FYN: variants seen among roughly 807,000 people sequenced by gnomAD.
FYN encodes FYN proto-oncogene, Src family tyrosine kinase.
In FYN, 10 loss-of-function variants were observed where a neutral mutation model predicts 70.2. The ratio of observed to expected loss-of-function variants is 0.14; its 90% CI spans 0.09 to 0.24. The LOEUF is 0.24. Ranked by LOEUF, FYN falls within the 10% of genes least tolerant of loss-of-function variation. The probability of loss-of-function intolerance (pLI) is 1.00; values close to 1 mark genes in which losing one functional copy is unlikely to be tolerated. For missense variants in FYN, 319 were observed against 673.1 expected (o/e 0.47, Z 5.82); for synonymous variants, 236 against 248.6 (o/e 0.95, Z 0.48).
intron 6 of FYN, among the ~76,000 whole-genome samples, chr6:111,707,546 T>A (rs78937847): frequency 0.01 from 1,511 of 147,698 alleles, 17 homozygotes; most frequent in African/African-American, 0.021. Flanking sequence ...GGCAATTACT[T>A]GCTACTCTCC....
chr6:111,833,564 C>A (rs1401992046), intron 2 of FYN, among the ~76,000 whole-genome samples: 2 of 152,190 alleles, frequency 1.3e-5, no homozygotes, highest in Non-Finnish European at 2.9e-5. Flanking sequence ...AAGATGGAAT[C>A]TACTCCCTGA....
chr6:111,725,203 G>A (rs1801139776), intron 3 of FYN, among the ~76,000 whole-genome samples: 1 of 152,138 alleles, frequency 6.6e-6, no homozygotes, highest in African/African-American at 2.4e-5. Flanking sequence ...CATTCTCAGT[G>A]GAGAGAGTTA....
intron 13 of FYN, among the ~76,000 whole-genome samples, chr6:111,665,529 G>A (rs1459644303): frequency 6.6e-6 from 1 of 152,160 alleles, no homozygotes; most frequent in Admixed American, 6.5e-5. Context: ...TAGTGAATAG[G>A]AAGGGAATAA....
At chr6:111,819,082 C>T (rs1376334619) in intron 2 of FYN, among the ~76,000 whole-genome samples, 1 of 152,144 alleles carries the variant, frequency 6.6e-6, no homozygotes, top group Non-Finnish European at 1.5e-5. Flanking sequence ...CTAGTCTTGG[C>T]TAGGTTTGAT....
At chr6:111,785,166 C>T (rs971689154) in intron 2 of FYN, among the ~76,000 whole-genome samples, 2 of 152,148 alleles carry the variant, frequency 1.3e-5, no homozygotes, top group East Asian at 1.9e-4. Flanking sequence ...CCTCAGAACT[C>T]GTTCTCTCTC....
chr6:111,825,662 T>C (rs1772809250), intron 2 of FYN, among the ~76,000 whole-genome samples: 1 of 152,224 alleles, frequency 6.6e-6, no homozygotes, highest in African/African-American at 2.4e-5. Context: ...ACTCTGGCTT[T>C]GCCTTCCTGG....
chr6:111,717,594 T>C (rs1218755872), intron 4 of FYN, among the ~76,000 whole-genome samples: 3 of 152,160 alleles, frequency 2.0e-5, no homozygotes, highest in Non-Finnish European at 4.4e-5. Flanking sequence ...CCCGAGTAGC[T>C]GGGATTACAG....
chr6:111,688,633 T>C (rs752253339), intron 12 of FYN, among the ~76,000 whole-genome samples: 2 of 151,740 alleles, frequency 1.3e-5, no homozygotes, highest in South Asian at 4.5e-4. Flanking sequence ...GCAGCGTGTG[T>C]GTGCTCATGC....
rs181097205 is a variant in FYN at position 111,815,677 on chromosome 6, C to T, written c.-82+30912G>A. Among the ~76,000 whole-genome samples, 704 of 151,182 alleles carry T rather than the reference C, an allele frequency of 4.7e-3. 8 individuals are homozygous for T. The highest frequency in any genetic ancestry group is 0.014 in the Middle Eastern group (4 of 288). On this transcript the variant is annotated intron_variant, in intron 2 of 13. Transcript: ENST00000354650. ...TGGTCATCTTTGAGTAGCGGAACTT[C>T]AGTAAAGGAGTTCTATCCTGTTCTC...
intron 2 of FYN, among the ~76,000 whole-genome samples, chr6:111,791,359 G>C (rs563982356): frequency 6.6e-6 from 1 of 152,264 alleles, no homozygotes; most frequent in Admixed American, 6.5e-5. Context: ...AATAAATGCT[G>C]GGTTCACTGG....
intron 3 of FYN, chr6:111,754,501 A>C (rs1463507781): frequency 6.6e-6 from 1 of 152,250 alleles, no homozygotes; most frequent in Non-Finnish European, 1.5e-5. Context: ...GCAAGCCAGC[A>C]TAATTTCTAA....
chr6:111,781,257 C>T (rs938415088), intron 2 of FYN, among the ~76,000 whole-genome samples: 1 of 152,178 alleles, frequency 6.6e-6, no homozygotes, highest in Admixed American at 6.5e-5. Flanking sequence ...TAAACTAACA[C>T]CGCCTTCTTC....
intron 12 of FYN, among the ~76,000 whole-genome samples, chr6:111,688,964 T>C (rs1799177020): frequency 6.6e-6 from 1 of 152,180 alleles, no homozygotes; most frequent in Non-Finnish European, 1.5e-5. Flanking sequence ...ATTTTTTTTC[T>C]TGAAAGATTG....
At position 111,664,288 on chromosome 6, in the gene FYN, C is replaced by T. The variant is rs534292231; in HGVS notation, c.1406-2341G>A. The stretch of plus-strand genomic sequence containing the variant: ...AGGGGAAACAGGCAGAAGGGCCTGA[C>T]AGATCCTTCTGGGTGCGGTTACAGC... On this transcript the variant is annotated intron_variant, in intron 13 of 13. Coordinates refer to ENST00000354650, the MANE Select transcript of FYN (RefSeq NM_002037.5). 2.8e-3 allele frequency among the ~76,000 whole-genome samples: 433 copies of T among 152,194 alleles called. 1 individual carries two copies. The highest frequency in any genetic ancestry group is 1.0e-2 in the African/African-American group (415 of 41,518).
chr6:111,804,096 A>C (rs1229504607), intron 2 of FYN, among the ~76,000 whole-genome samples: 1 of 152,222 alleles, frequency 6.6e-6, no homozygotes, highest in East Asian at 1.9e-4. Flanking sequence ...CACAGTTTAC[A>C]TCAAAAGCTG....
At chr6:111,688,892 A>T (rs1799170491) in intron 12 of FYN, among the ~76,000 whole-genome samples, 1 of 152,162 alleles carries the variant, frequency 6.6e-6, no homozygotes, top group African/African-American at 2.4e-5. Flanking sequence ...GCATGCAGGT[A>T]TATCAAAGTG....
In FYN at chr6:111,661,640, C is replaced by A. The variant is rs145960312; in HGVS notation, c.*99G>T. The A allele has an allele frequency of 9.0e-6, 10 of 1,115,798 alleles. No homozygotes were observed. Among genetic ancestry groups the A allele is most frequent in the South Asian group, 8.8e-5 (6 of 68,060 alleles). 69.1% of individuals were successfully genotyped at this position (1,115,798 alleles called of 1,614,324 possible). ...GAGTCACATGCAATCTGATCCTGGG[C>A]GGTTCCGCTGCTGGGGAGCAGCTGG... On this transcript the variant is annotated 3_prime_UTR_variant, in exon 14 of 14. Coordinates refer to ENST00000354650, the MANE Select transcript of FYN (RefSeq NM_002037.5). This position sits in a 1 kb window ranked among gnomAD's most constrained non-coding sequence, Gnocchi z 4.0.
intron 12 of FYN, among the ~76,000 whole-genome samples, chr6:111,677,528 T>G (rs1798586829): frequency 6.6e-6 from 1 of 152,180 alleles, no homozygotes; most frequent in Non-Finnish European, 1.5e-5. Context: ...GCCTTGCAGG[T>G]TGCACAGTGT....
In FYN at chr6:111,868,243, C is replaced by G. The variant is rs77803446; in HGVS notation, c.-123+4725G>C. 7.5e-3 allele frequency among the ~76,000 whole-genome samples: 1,141 copies of G among 152,238 alleles called. 11 individuals carry two copies. Among genetic ancestry groups the G allele is most frequent in the African/African-American group, 0.026 (1,071 of 41,524 alleles). On this transcript the variant is annotated intron_variant, in intron 1 of 13. Coordinates refer to ENST00000354650, the MANE Select transcript of FYN (RefSeq NM_002037.5). ...CTCCTTTATAGCTCTGCAAAACTAG[C>G]AAGTAAGTTCCTTCGGGACAGGATC...
Sources: gnomAD v4.1 joint callset for allele counts (sites outside exome capture counted in the v4.1 genomes callset) on GRCh38, gnomAD v4.1.1 for gene constraint, Gnocchi (gnomAD v3.1) non-coding constraint, MANE v1.5 for transcripts, NCBI Gene and HGNC (gene_info 2026-07-23, HGNC 2026-07-21) for gene names.